Variants in CFI observed in about 807,000 individuals in gnomAD.
CFI encodes complement factor I.
In CFI, 66 loss-of-function variants were observed where a neutral mutation model predicts 78.8. The ratio of observed to expected loss-of-function variants is 0.84; its 90% CI spans 0.69 to 1.03. The LOEUF is 1.03. Ranked by LOEUF, CFI falls within the 50% of genes least tolerant of loss-of-function variation. The probability of loss-of-function intolerance (pLI) is 0.00; values close to 1 mark genes in which losing one functional copy is unlikely to be tolerated. For missense variants in CFI, 706 were observed against 704.5 expected (o/e 1.00, Z -0.02); for synonymous variants, 250 against 232.6 (o/e 1.07, Z -0.68).
At position 109,760,349 on chromosome 4, in the gene CFI, C is replaced by T. The variant is rs2298749; in HGVS notation, c.804G>A (p.Ser268=). ...ACQGKGFHCK[S]GVCIPSQYQC... is the part of the protein sequence containing the mutation. ...GATACTGGCTTGGAATGCAAACACC[C>T]GATTTGCAATGGAAGCCTTTGCCTT... Residue 268 remains serine (S), a synonymous_variant, in exon 6 of 13, where the codon TCG becomes TCA. Transcript: ENST00000394634. 0.27 allele frequency: 430,920 copies of T among 1,612,514 alleles called. 59,803 individuals carry two copies. The highest frequency in any genetic ancestry group is 0.42 in the Admixed American group (25,217 of 59,996).
At chr4:109,731,829 G>A in the CFI span, among the ~76,000 whole-genome samples, 1 of 152,114 alleles carries the variant, frequency 6.6e-6, no homozygotes, top group Non-Finnish European at 1.5e-5. Context: ...TCCAAACCAA[G>A]GCCTCTGTCT....
chr4:109,736,534 A>G (rs1313223500), downstream of CFI, among the ~76,000 whole-genome samples: 1 of 152,212 alleles, frequency 6.6e-6, no homozygotes, highest in Non-Finnish European at 1.5e-5. Flanking sequence ...CACCAGATCT[A>G]TGAGCATGGG....
intron 1 of CFI, among the ~76,000 whole-genome samples, chr4:109,767,883 A>G (rs550666843): frequency 6.6e-6 from 1 of 152,284 alleles, no homozygotes; most frequent in South Asian, 2.1e-4. Context: ...GAACCAACCC[A>G]AATGTCCATC....
At chr4:109,732,822 A>C in the CFI span, among the ~76,000 whole-genome samples, 11 of 147,854 alleles carry the variant, frequency 7.4e-5, no homozygotes, top group Non-Finnish European at 1.5e-4. Flanking sequence ...GTGCCACTGC[A>C]CTCCAGCCGA....
chr4:109,785,664 A>G (rs1046990982), intron 1 of CFI, among the ~76,000 whole-genome samples: 1 of 152,002 alleles, frequency 6.6e-6, no homozygotes, highest in Non-Finnish European at 1.5e-5. Context: ...TTGTGTCCCC[A>G]CCCAAATCTC....
intron 1 of CFI, among the ~76,000 whole-genome samples, chr4:109,787,243 A>G (rs981778855): frequency 6.6e-6 from 1 of 152,160 alleles, no homozygotes; most frequent in African/African-American, 2.4e-5. Context: ...AGCCAACTAT[A>G]TAACTGTTGT....
intron 4 of CFI, among the ~76,000 whole-genome samples, chr4:109,761,247 G>A (rs1313075575): frequency 1.3e-5 from 2 of 152,186 alleles, no homozygotes; most frequent in Admixed American, 6.5e-5. Context: ...GTTTGCTACA[G>A]TAACTTTAAT....
At chr4:109,756,888 G>GGAAAAA (rs1726240225) in intron 7 of CFI, among the ~76,000 whole-genome samples, 1 of 57,836 alleles carries the variant, frequency 1.7e-5, no homozygotes, top group Non-Finnish European at 3.2e-5. Flanking sequence ...AAGAAAGAAA[G>GGAAAAA]GAAAGAAAGA....
At chr4:109,745,040 A>G (rs1315717622) in intron 11 of CFI, among the ~76,000 whole-genome samples, 2 of 152,216 alleles carry the variant, frequency 1.3e-5, no homozygotes, top group African/African-American at 2.4e-5. Context: ...TACACCTTCC[A>G]ATGTGGCAAT....
intron 7 of CFI, among the ~76,000 whole-genome samples, chr4:109,756,311 G>A (rs575259620): frequency 9.9e-4 from 1 of 1,012 alleles, no homozygotes; most frequent in Non-Finnish European, 3.1e-3. Flanking sequence ...GGAGGAGGAA[G>A]GAAAAGAGGA....
At chr4:109,788,551 T>C (rs957669348) in intron 1 of CFI, among the ~76,000 whole-genome samples, 7 of 152,092 alleles carry the variant, frequency 4.6e-5, no homozygotes, top group African/African-American at 1.7e-4. Context: ...AGTAACTCTT[T>C]ATATATTAAA....
At chr4:109,755,075 A>G (rs1051608787) in intron 7 of CFI, among the ~76,000 whole-genome samples, 1 of 152,198 alleles carries the variant, frequency 6.6e-6, no homozygotes, top group Non-Finnish European at 1.5e-5. Context: ...AACCCTTGCA[A>G]ATCAGTAAGA....
intron 1 of CFI, among the ~76,000 whole-genome samples, chr4:109,786,592 A>G (rs1291498178): frequency 6.6e-6 from 1 of 152,092 alleles, no homozygotes; most frequent in Non-Finnish European, 1.5e-5. Flanking sequence ...ACACATGATC[A>G]GTTATGATTA....
chr4:109,801,670 A>T (rs964380862), intron 1 of CFI, among the ~76,000 whole-genome samples: 3 of 152,230 alleles, frequency 2.0e-5, no homozygotes, highest in African/African-American at 7.2e-5. Flanking sequence ...ACAGCCTTGT[A>T]TTAGTAAAAT....
chr4:109,763,492 A>G (rs532231929), intron 3 of CFI, among the ~76,000 whole-genome samples: 2 of 152,234 alleles, frequency 1.3e-5, no homozygotes, highest in East Asian at 3.9e-4. Context: ...AAATAAATTC[A>G]ACAATGTAAG....
At chr4:109,735,789 CTG>C (rs1386184314), downstream of CFI, among the ~76,000 whole-genome samples, 1 of 152,182 alleles carries the variant, frequency 6.6e-6, no homozygotes, top group Non-Finnish European at 1.5e-5. Context: ...ATCTGGAAAA[CTG>C]GGCCTAGAAC....
downstream of CFI, among the ~76,000 whole-genome samples, chr4:109,739,167 T>C (rs1372736343): frequency 6.6e-6 from 1 of 152,180 alleles, no homozygotes; most frequent in Non-Finnish European, 1.5e-5. Context: ...AATGGGTATT[T>C]ATATTATTAA....
chr4:109,790,908 T>C (rs1731293489), intron 1 of CFI, among the ~76,000 whole-genome samples: 1 of 152,218 alleles, frequency 6.6e-6, no homozygotes. Context: ...GCAATGAACA[T>C]ATGTGTGCAT....
chr4:109,752,318 C>G, intron 8 of CFI, 150 bp downstream of exon 8: 1 of 672,152 alleles, frequency 1.5e-6, no homozygotes, highest in Non-Finnish European at 2.5e-6. Context: ...TTAAAAGTGA[C>G]AGAGAAAGGA....
Sources: gnomAD v4.1 joint callset for allele counts (sites outside exome capture counted in the v4.1 genomes callset) on GRCh38, gnomAD v4.1.1 for gene constraint, MANE v1.5 for transcripts, NCBI Gene and HGNC (gene_info 2026-07-23, HGNC 2026-07-21) for gene names.